The following AFAP1L1 variants were observed in gnomAD, a reference collection of about 807,000 sequenced individuals.
AFAP1L1 encodes the protein actin filament associated protein 1 like 1.
A neutral mutation model predicts 99.8 loss-of-function variants in AFAP1L1; 77 were observed. That is an observed-to-expected ratio of 0.77 (90% CI 0.64 to 0.93). AFAP1L1 has a LOEUF of 0.93. AFAP1L1 is among the 40% of genes least tolerant of loss of function. The probability of loss-of-function intolerance (pLI) is 0.00; values close to 1 mark genes in which losing one functional copy is unlikely to be tolerated. For missense variants in AFAP1L1, 893 were observed against 996.8 expected, an observed-to-expected ratio of 0.90 and a Z score of 1.40; for synonymous variants, 373 against 395.3, an observed-to-expected ratio of 0.94 and a Z score of 0.67.
chr5:149,298,679 G>C (rs1756091412), intron 1 of AFAP1L1, among the ~76,000 whole-genome samples: 1 of 152,156 alleles, frequency 6.6e-6, no homozygotes, highest in African/African-American at 2.4e-5. Context: ...TGGCTCTAAG[G>C]CAAACCAAGT....
rs1232102844 is a variant in AFAP1L1, at chr5:149,329,810, A to T, written c.1955A>T (p.Glu652Val). 2 of 1,612,200 alleles carry T rather than the reference A, an allele frequency of 1.2e-6. No individual in the cohort carries two copies. The highest frequency in any genetic ancestry group is 1.7e-6 in the Non-Finnish European group (2 of 1,179,166). ...AGACAGGAGAAGAGGGAACTGAAGG[A>T]AGCCATTCGGAGCAGCCCAGGTACC... The part of the protein sequence containing the change: ...ALRQEKRELK[E>V]AIRSSPGAKL... Residue 652 changes from glutamate to valine, a missense_variant, in exon 16 of 19, where the codon GAA (glutamate) becomes GTA (valine). By Grantham distance (121) the Glu-to-Val change is moderately radical. Transcript: ENST00000296721.
At chr5:149,298,610 T>C (rs577515600) in intron 1 of AFAP1L1, among the ~76,000 whole-genome samples, 1 of 152,346 alleles carries the variant, frequency 6.6e-6, no homozygotes, top group Admixed American at 6.5e-5. Flanking sequence ...TCTGTTATCA[T>C]GCCTAAATGC....
In AFAP1L1 at chr5:149,341,771, A is replaced by G. The variant is rs1427526041; in HGVS notation, c.*1741A>G. On this transcript the variant is annotated 3_prime_UTR_variant, in exon 19 of 19. Coordinates refer to ENST00000296721, the MANE Select transcript of AFAP1L1 (RefSeq NM_152406.4). ...CAAATAGCAAGACCCCATCTATTAA[A>G]AAAAAAAAGTGGCTATTATTAGCTA... 6.6e-6 allele frequency: 1 copy of G among 152,098 alleles called. No homozygotes were observed. The highest frequency in any genetic ancestry group is 1.5e-5 in the Non-Finnish European group (1 of 68,012). 9.4% of individuals were successfully genotyped at this position (152,098 alleles called of 1,614,324 possible).
intron 11 of AFAP1L1, 135 bp downstream of exon 11, chr5:149,316,438 T>C: frequency 1.9e-6 from 2 of 1,063,340 alleles, no homozygotes; most frequent in Non-Finnish European, 2.7e-6. Flanking sequence ...ACTGGGAGGC[T>C]AAGCCCCACT....
At chr5:149,317,996 T>A (rs185372588) in intron 12 of AFAP1L1, 56 bp downstream of exon 12, 1 of 1,527,276 alleles carries the variant, frequency 6.5e-7, no homozygotes, top group East Asian at 2.5e-5. Flanking sequence ...CTGGCCTGAG[T>A]GTCATGTTTT....
chr5:149,300,924 A>G (rs1756184464), intron 3 of AFAP1L1, among the ~76,000 whole-genome samples: 1 of 152,218 alleles, frequency 6.6e-6, no homozygotes, highest in Admixed American at 6.5e-5. Flanking sequence ...GATCCTCTCT[A>G]CAATCCTGGA....
chr5:149,280,789 C>G (rs890378420), intron 1 of AFAP1L1, among the ~76,000 whole-genome samples: 2 of 152,152 alleles, frequency 1.3e-5, no homozygotes, highest in African/African-American at 4.8e-5. Context: ...TTCGGAGATG[C>G]ATTGTGTTTA....
chr5:149,300,065 C>G (rs1756146193), intron 2 of AFAP1L1, among the ~76,000 whole-genome samples: 1 of 152,228 alleles, frequency 6.6e-6, no homozygotes, highest in South Asian at 2.1e-4. Context: ...TACTGGGCTT[C>G]TGGACATCCT....
intron 15 of AFAP1L1, 144 bp downstream of exon 15, chr5:149,322,861 C>A: frequency 1.5e-6 from 1 of 669,448 alleles, no homozygotes; most frequent in Non-Finnish European, 2.5e-6. Flanking sequence ...TAAGAAAAAT[C>A]ACAGAGCAAG....
chr5:149,333,637 G>A (rs1331227155), intron 17 of AFAP1L1, among the ~76,000 whole-genome samples: 2 of 152,202 alleles, frequency 1.3e-5, no homozygotes, highest in Non-Finnish European at 2.9e-5. Flanking sequence ...TTTTGGACCA[G>A]TAATTCTTTC....
chr5:149,307,858 T>TCTCTCTCTCTCTCTCTCTCTG (rs1561672922), intron 7 of AFAP1L1, among the ~76,000 whole-genome samples: 1 of 11,166 alleles, frequency 9.0e-5, no homozygotes, highest in Non-Finnish European at 2.4e-4. Context: ...CTCTCTCTCT[T>TCTCTCTCTCTCTCTCTCTCTG]AAATTTAAAG....
Position 149,316,314 on chromosome 5 carries a change from G to C in AFAP1L1, c.1267+11G>C. On this transcript the variant is annotated intron_variant, in intron 11 of 18. Transcript: ENST00000296721. The stretch of plus-strand genomic sequence containing the variant: ...AGGTTCCCTGCTGTGGTGGGTCCAG[G>C]GCACGGGGAGGAAGGGTGCTCAGGT... 1.9e-6 allele frequency: 3 copies of C among 1,611,698 alleles called. No homozygotes were observed. In the South Asian group the frequency reaches 3.3e-5, roughly 18 times the overall value.
intron 15 of AFAP1L1, among the ~76,000 whole-genome samples, chr5:149,323,537 C>T (rs942967369): frequency 3.1e-4 from 47 of 152,268 alleles, no homozygotes; most frequent in Admixed American, 2.9e-3. Flanking sequence ...TGCATCTCAA[C>T]AGAGTCAAGT....
intron 15 of AFAP1L1, among the ~76,000 whole-genome samples, chr5:149,324,671 AT>A (rs1345049781): frequency 2.0e-5 from 3 of 152,250 alleles, no homozygotes; most frequent in Admixed American, 2.0e-4. Flanking sequence ...CTCTCATGAG[AT>A]CTCAAGACGT....
In AFAP1L1 at chr5:149,312,199, G is replaced by C. The variant is rs369801283; in HGVS notation, c.1015G>C (p.Asp339His). Residue 339 changes from aspartate (D) to histidine (H), a missense_variant, in exon 9 of 19, where the codon GAC (aspartate) becomes CAC (histidine). Asp to His is a moderately conservative substitution (Grantham distance 81). Transcript: ENST00000296721. ...SPVLLCKLDL[D>H]KRLSQEKQTS... ...AGTCCTCCTGTGCAAGTTGGACCTG[G>C]ACAAGGTATATCTGTCTCCACTAAG... 5.6e-4 allele frequency: 911 copies of C among 1,614,150 alleles called. 13 individuals carry two copies. In the South Asian group the frequency reaches 9.4e-3, roughly 17 times the overall value.
intron 9 of AFAP1L1, 166 bp from the exon 10 acceptor site, chr5:149,315,655 C>A (rs898867022): frequency 1.6e-5 from 10 of 627,578 alleles, no homozygotes; most frequent in Non-Finnish European, 2.6e-5. Context: ...TCATGGTTGT[C>A]TTTTCAATAC....
intron 18 of AFAP1L1, among the ~76,000 whole-genome samples, chr5:149,339,562 T>G (rs768227769): frequency 7.2e-5 from 11 of 152,320 alleles, no homozygotes; most frequent in East Asian, 3.9e-4. Context: ...GATAGTCGTC[T>G]TCTTTTGATT....
At chr5:149,280,061 T>A (rs1035878946) in intron 1 of AFAP1L1, among the ~76,000 whole-genome samples, 1 of 152,196 alleles carries the variant, frequency 6.6e-6, no homozygotes, top group Non-Finnish European at 1.5e-5. Flanking sequence ...AAATGTCTGT[T>A]GAGATGATGA....
At position 149,319,674 on chromosome 5, in the gene AFAP1L1, C is replaced by T. The variant is rs768299700; in HGVS notation, c.1572C>T (p.Tyr524=). The change falls in exon 13 of 19, where the codon TAC becomes TAT. Residue 524 remains tyrosine, a synonymous_variant. Transcript: ENST00000296721. The part of the protein sequence containing the change: ...RVTPEALHYD[Y]VDVETLTSIV... ...CTCCGGAGGCGCTGCACTATGACTA[C>T]GTGGATGTGGAGACCTTAACCAGCA... The T allele has an allele frequency of 1.3e-5, 21 of 1,612,508 alleles. No homozygotes were observed. Among genetic ancestry groups the T allele is most frequent in the South Asian group, 6.6e-5 (6 of 91,006 alleles).
Sources: gnomAD v4.1 joint callset for allele counts (sites outside exome capture counted in the v4.1 genomes callset) on GRCh38, gnomAD v4.1.1 for gene constraint, MANE v1.5 for transcripts, NCBI Gene and HGNC (gene_info 2026-07-23, HGNC 2026-07-21) for gene names.